Variants in ADAMTSL1 observed in about 807,000 individuals in gnomAD.
ADAMTSL1 encodes the protein ADAMTS like 1.
Under a neutral mutation model 201.8 loss-of-function variants are expected in ADAMTSL1, and 126 were observed. The observed-to-expected ratio is 0.62, with a 90% CI of 0.54 to 0.72. The LOEUF (loss-of-function observed/expected upper bound fraction) is 0.72, where lower values mean the gene tolerates loss of function less well. Among genes scored for constraint, ADAMTSL1 ranks in the 30% least tolerant of loss-of-function variants. The pLI, the probability that ADAMTSL1 is intolerant of heterozygous loss-of-function variation, is 0.00. For missense variants in ADAMTSL1, 2,679 were observed against 2,277.8 expected (o/e 1.18, Z -3.59); for synonymous variants, 1,121 against 903.4 (o/e 1.24, Z -4.32).
intron 2 of ADAMTSL1, among the ~76,000 whole-genome samples, chr9:18,384,262 C>T (rs1021039894): frequency 1.3e-5 from 2 of 152,020 alleles, no homozygotes; most frequent in South Asian, 2.1e-4. Flanking sequence ...GGAGAGACAG[C>T]GAGTGAAGGG....
At chr9:18,503,345 A>G (rs1013907385) in intron 1 of ADAMTSL1, among the ~76,000 whole-genome samples, 13 of 149,814 alleles carry the variant, frequency 8.7e-5, no homozygotes, top group African/African-American at 2.9e-4. Context: ...ACTTCGTGTC[A>G]TGTCTTTAAG....
chr9:18,866,791 G>A (rs1827565133), intron 23 of ADAMTSL1, among the ~76,000 whole-genome samples: 2 of 152,170 alleles, frequency 1.3e-5, no homozygotes, highest in Admixed American at 1.3e-4. Context: ...TCAAGTAACG[G>A]TCCAGAGGAA....
chr9:18,335,198 A>C (rs531399438), intron 2 of ADAMTSL1, among the ~76,000 whole-genome samples: 1 of 152,288 alleles, frequency 6.6e-6, no homozygotes, highest in South Asian at 2.1e-4. Flanking sequence ...CAACATATTT[A>C]CATATTTGTT....
At chr9:18,520,258 ACAAC>A (rs1228171838) in intron 2 of ADAMTSL1, among the ~76,000 whole-genome samples, 2 of 152,246 alleles carry the variant, frequency 1.3e-5, no homozygotes, top group East Asian at 1.9e-4. Flanking sequence ...AGAAGATCAA[ACAAC>A]CAGAGAGGAT....
chr9:18,823,218 A>G (rs1824322613), intron 21 of ADAMTSL1, among the ~76,000 whole-genome samples: 2 of 152,210 alleles, frequency 1.3e-5, no homozygotes, highest in Non-Finnish European at 2.9e-5. Context: ...CAGTAGATTA[A>G]AGAATGATTC....
intron 1 of ADAMTSL1, among the ~76,000 whole-genome samples, chr9:17,995,271 C>T (rs1300377880): frequency 2.0e-5 from 3 of 152,092 alleles, no homozygotes; most frequent in Admixed American, 1.3e-4. Context: ...CTCACTGTTC[C>T]CTGTTAGGTC....
chr9:18,096,003 C>G (rs748904451), intron 1 of ADAMTSL1, among the ~76,000 whole-genome samples: 6 of 152,136 alleles, frequency 3.9e-5, no homozygotes, highest in African/African-American at 1.4e-4. Flanking sequence ...TATTGTAACT[C>G]TTTCCTTCAT....
chr9:18,113,677 G>A (rs775609482), intron 1 of ADAMTSL1, among the ~76,000 whole-genome samples: 2 of 152,100 alleles, frequency 1.3e-5, no homozygotes, highest in Non-Finnish European at 2.9e-5. Flanking sequence ...CACCATGGGA[G>A]TTAATTTAAA....
chr9:18,212,009 G>A (rs559810033), intron 2 of ADAMTSL1, among the ~76,000 whole-genome samples: 2 of 152,204 alleles, frequency 1.3e-5, no homozygotes, highest in African/African-American at 4.8e-5. Flanking sequence ...CTCATTCAAG[G>A]ACAGAACCTG....
intron 2 of ADAMTSL1, among the ~76,000 whole-genome samples, chr9:18,272,546 G>T (rs1490536256): frequency 6.6e-6 from 1 of 152,140 alleles, no homozygotes; most frequent in Admixed American, 6.5e-5. Flanking sequence ...CATAGGCATG[G>T]GCAATGAAAT....
At chr9:18,126,928 G>C (rs1178488838) in intron 1 of ADAMTSL1, among the ~76,000 whole-genome samples, 2 of 152,128 alleles carry the variant, frequency 1.3e-5, no homozygotes, top group African/African-American at 2.4e-5. Flanking sequence ...GTTTATCATC[G>C]GTGGTAAGCA....
At chr9:18,244,868 A>G (rs1471261681) in intron 2 of ADAMTSL1, among the ~76,000 whole-genome samples, 2 of 152,124 alleles carry the variant, frequency 1.3e-5, no homozygotes, top group Admixed American at 1.3e-4. Context: ...TATGGGCAGG[A>G]ACTACATATA....
chr9:18,370,923 T>C (rs1837016853), intron 2 of ADAMTSL1, among the ~76,000 whole-genome samples: 1 of 152,180 alleles, frequency 6.6e-6, no homozygotes, highest in South Asian at 2.1e-4. Flanking sequence ...ATATTCTAGA[T>C]GTAGTCATTT....
At chr9:18,182,842 T>C (rs896278224) in intron 2 of ADAMTSL1, among the ~76,000 whole-genome samples, 2 of 152,192 alleles carry the variant, frequency 1.3e-5, no homozygotes, top group Non-Finnish European at 2.9e-5. Flanking sequence ...CCACAGTCCA[T>C]AGTCCTGATT....
intron 25 of ADAMTSL1, among the ~76,000 whole-genome samples, chr9:18,890,222 T>G (rs1019144437): frequency 3.3e-5 from 5 of 152,262 alleles, no homozygotes; most frequent in African/African-American, 7.2e-5. Context: ...CTTATCTTCC[T>G]CTTTTCTACA....
chr9:18,049,752 T>C (rs2131662690), intron 1 of ADAMTSL1, among the ~76,000 whole-genome samples: 1 of 152,228 alleles, frequency 6.6e-6, no homozygotes, highest in South Asian at 2.1e-4. Context: ...GCCTCCCAAG[T>C]AGCTGGGACT....
At chr9:18,471,747 A>T (rs974422760), upstream of ADAMTSL1, among the ~76,000 whole-genome samples, 7 of 152,290 alleles carry the variant, frequency 4.6e-5, no homozygotes, top group African/African-American at 1.7e-4. Context: ...CAGGCATTCA[A>T]CAGGTGATTG....
chr9:18,437,705 G>A (rs1157472171), intron 2 of ADAMTSL1, among the ~76,000 whole-genome samples: 1 of 152,008 alleles, frequency 6.6e-6, no homozygotes, highest in Non-Finnish European at 1.5e-5. Context: ...TTTCTTCTCA[G>A]TGACAAACAA....
intron 2 of ADAMTSL1, among the ~76,000 whole-genome samples, chr9:18,350,821 T>A (rs1166581024): frequency 6.6e-6 from 1 of 152,164 alleles, no homozygotes; most frequent in African/African-American, 2.4e-5. Flanking sequence ...TTTTATGGAA[T>A]TGGCAGGAAA....
Sources: gnomAD v4.1 joint callset for allele counts (sites outside exome capture counted in the v4.1 genomes callset) on GRCh38, gnomAD v4.1.1 for gene constraint, MANE v1.5 for transcripts, NCBI Gene and HGNC (gene_info 2026-07-23, HGNC 2026-07-21) for gene names.